Variants in HNRNPLL observed in about 807,000 individuals in gnomAD.
HNRNPLL encodes heterogeneous nuclear ribonucleoprotein L like.
HNRNPLL carries 25 observed loss-of-function variants against 67.1 expected under a neutral mutation model. The ratio of observed to expected loss-of-function variants is 0.37; its 90% confidence interval spans 0.27 to 0.52. HNRNPLL has a LOEUF of 0.52. Among genes scored for constraint, HNRNPLL ranks in the 20% least tolerant of loss-of-function variants. The pLI, the probability that HNRNPLL is intolerant of heterozygous loss-of-function variation, is 0.90. For synonymous variants in HNRNPLL, 267 were observed against 241.7 expected (o/e 1.10, Z -0.97); for missense variants, 542 against 673.9 (o/e 0.80, Z 2.17).
In HNRNPLL at chr2:38,585,829, T is replaced by G; in HGVS notation, c.361A>C (p.Ile121Leu). The change falls in exon 3 of 13, where the codon ATA becomes CTA. Residue 121 changes from isoleucine to leucine, a missense_variant. By Grantham distance (5) the Ile-to-Leu change is conservative (BLOSUM62 2). This residue lies in a region of HNRNPLL where 415 missense variants were observed against 575.2 expected (regional missense o/e 0.72). Coordinates refer to ENST00000449105, the MANE Select transcript of HNRNPLL (RefSeq NM_138394.4). ...GTCACACATTCTTTGGCACTATCTATGTTTTCAAATTCCACTAGAGCCTGT... is the reference window on the plus strand; with the variant it reads ...GTCACACATTCTTTGGCACTATCTAGGTTTTCAAATTCCACTAGAGCCTGT... ...KRQALVEFEN[I>L]DSAKECVTFA... 1 of 1,614,014 alleles carries G rather than the reference T, an allele frequency of 6.2e-7. No homozygotes were observed. The highest frequency in any genetic ancestry group is 8.5e-7 in the Non-Finnish European group (1 of 1,179,900).
At chr2:38,594,499 T>C (rs772648079) in intron 1 of HNRNPLL, among the ~76,000 whole-genome samples, 6 of 152,116 alleles carry the variant, frequency 3.9e-5, no homozygotes, top group African/African-American at 9.7e-5. Context: ...AATATAGATA[T>C]GCAGATGTAG....
chr2:38,580,044 T>C (rs547123158), intron 6 of HNRNPLL, among the ~76,000 whole-genome samples: 8 of 152,206 alleles, frequency 5.3e-5, no homozygotes, highest in Non-Finnish European at 8.8e-5. Flanking sequence ...GCTGGCTTTG[T>C]GTAAACATCA....
At chr2:38,569,513 T>A in intron 9 of HNRNPLL, among the ~76,000 whole-genome samples, 179 bp from the exon 10 acceptor site, 1 of 152,138 alleles carries the variant, frequency 6.6e-6, no homozygotes, top group Admixed American at 6.5e-5. Flanking sequence ...AGTTTAGACA[T>A]CAATTAGAAA....
intron 9 of HNRNPLL, 126 bp from the exon 10 acceptor site, chr2:38,569,460 T>C (rs1665988024): frequency 1.6e-6 from 1 of 634,634 alleles, no homozygotes; most frequent in African/African-American, 1.8e-5. Context: ...ATAGAGCTAT[T>C]TAAATAGAGG....
intron 3 of HNRNPLL, among the ~76,000 whole-genome samples, chr2:38,584,951 C>T (rs1666667296): frequency 6.6e-6 from 1 of 151,902 alleles, no homozygotes; most frequent in East Asian, 1.9e-4. Context: ...ATTTAAAATA[C>T]AAAATGTCTA....
In HNRNPLL at chr2:38,581,902, A is replaced by G; in HGVS notation, c.802+11T>C. 1 of 1,581,148 alleles carries G rather than the reference A, an allele frequency of 6.3e-7. No individual in the cohort carries two copies. The highest frequency in any genetic ancestry group is 8.7e-7 in the Non-Finnish European group (1 of 1,150,416). On this transcript the variant is annotated intron_variant, in intron 6 of 12. Coordinates refer to ENST00000449105, the MANE Select transcript of HNRNPLL (RefSeq NM_138394.4). ...AGATCAAGTACATTCTAAAATGTAT[A>G]AAATACCTACCTCGTCTTCCCAAAT...
rs531237769 is a variant in HNRNPLL at position 38,565,589 on chromosome 2, G to A, written c.1574-1352C>T. 3.9e-5 allele frequency among the ~76,000 whole-genome samples: 6 copies of A among 151,952 alleles called. No individual in the cohort carries two copies. In the South Asian group the frequency reaches 1.0e-3, roughly 26 times the overall value. ...ACAAATATACACCAATAAGCTGGAT[G>A]TGGTGTTGCACTCCTATAGCCCCAG... On this transcript the variant is annotated intron_variant, in intron 12 of 12. Transcript: ENST00000449105.
At chr2:38,576,647 T>G (rs537769437) in intron 7 of HNRNPLL, among the ~76,000 whole-genome samples, 1 of 151,798 alleles carries the variant, frequency 6.6e-6, no homozygotes, top group African/African-American at 2.4e-5. Flanking sequence ...AGTAAGTATG[T>G]AGGCAATTTG....
chr2:38,578,056 C>A (rs1666367119), intron 6 of HNRNPLL: 2 of 465,838 alleles, frequency 4.3e-6, no homozygotes, highest in Admixed American at 2.4e-5. Context: ...TAAGTATATG[C>A]ACATATTTAC....
intron 1 of HNRNPLL, among the ~76,000 whole-genome samples, chr2:38,601,447 T>C (rs1261724533): frequency 6.6e-6 from 1 of 152,240 alleles, no homozygotes; most frequent in Non-Finnish European, 1.5e-5. Flanking sequence ...GCAGAATTAA[T>C]CACAATTCAT....
intron 7 of HNRNPLL, among the ~76,000 whole-genome samples, chr2:38,576,515 C>T (rs1666305919): frequency 6.6e-6 from 1 of 151,586 alleles, no homozygotes; most frequent in Admixed American, 6.6e-5. Context: ...TCTTTTCTGC[C>T]ATATAGACTA....
At chr2:38,602,312 G>A in intron 1 of HNRNPLL, 126 bp downstream of exon 1, 2 of 849,864 alleles carry the variant, frequency 2.4e-6, no homozygotes, top group South Asian at 1.7e-5. Context: ...GAGAAGAGTG[G>A]GCGCTTCCCC....
At chr2:38,597,125 T>C (rs1017418482) in intron 1 of HNRNPLL, among the ~76,000 whole-genome samples, 1 of 152,242 alleles carries the variant, frequency 6.6e-6, no homozygotes, top group Admixed American at 6.5e-5. Context: ...TAAACTCTAC[T>C]GAAGAGAAGA....
At chr2:38,586,184 G>A (rs987264281) in intron 2 of HNRNPLL, among the ~76,000 whole-genome samples, 8 of 152,052 alleles carry the variant, frequency 5.3e-5, no homozygotes, top group Non-Finnish European at 8.8e-5. Flanking sequence ...ACCAGGCCCC[G>A]CTGATTTTTT....
intron 1 of HNRNPLL, among the ~76,000 whole-genome samples, chr2:38,601,220 G>A (rs1667417787): frequency 6.6e-6 from 1 of 152,152 alleles, no homozygotes; most frequent in African/African-American, 2.4e-5. Context: ...GAGAGAAAAA[G>A]TTCCTTTTTT....
intron 2 of HNRNPLL, among the ~76,000 whole-genome samples, chr2:38,586,907 G>T (rs1666757309): frequency 1.3e-5 from 2 of 152,164 alleles, no homozygotes; most frequent in South Asian, 2.1e-4. Context: ...TACAGGAAAT[G>T]AAGAATTAAA....
At chr2:38,596,373 C>G (rs1667193350) in intron 1 of HNRNPLL, among the ~76,000 whole-genome samples, 1 of 152,134 alleles carries the variant, frequency 6.6e-6, no homozygotes, top group Non-Finnish European at 1.5e-5. Flanking sequence ...GTTCTCCTGC[C>G]TCAGCCTCCC....
chr2:38,597,968 T>C (rs925300480), intron 1 of HNRNPLL, among the ~76,000 whole-genome samples: 6 of 152,148 alleles, frequency 3.9e-5, no homozygotes, highest in African/African-American at 1.2e-4. Context: ...ATTACAGGCG[T>C]GAGCCACCGT....
At chr2:38,571,617 TC>T (rs1018528689) in intron 8 of HNRNPLL, among the ~76,000 whole-genome samples, 8 of 152,154 alleles carry the variant, frequency 5.3e-5, no homozygotes, top group Admixed American at 3.3e-4. Context: ...TGGACAAAAT[TC>T]CTCTCCCTTG....
Sources: allele counts gnomAD v4.1 joint callset (sites outside exome capture counted in the v4.1 genomes callset), GRCh38; gene constraint gnomAD v4.1.1; regional missense constraint gnomAD v4.1.1; transcripts MANE v1.5; gene names NCBI Gene and HGNC (gene_info 2026-07-23, HGNC 2026-07-21).